The following PTCHD4 variants were observed in gnomAD, a reference collection of about 807,000 sequenced individuals.
The protein encoded by PTCHD4 is patched domain containing 4.
A neutral mutation model predicts 58.1 loss-of-function variants in PTCHD4; 33 were observed. That is an observed-to-expected ratio of 0.57 (90% CI 0.43 to 0.76). The LOEUF (loss-of-function observed/expected upper bound fraction) is 0.76, where lower values mean the gene tolerates loss of function less well. PTCHD4 is among the 30% of genes least tolerant of loss of function. PTCHD4 has a pLI of 0.00. For synonymous variants in PTCHD4, 478 were observed against 409.6 expected, an observed-to-expected ratio of 1.17 and a Z score of -2.02; for missense variants, 1,058 against 1,027.1, an observed-to-expected ratio of 1.03 and a Z score of -0.41.
At chr6:47,943,614 C>T (rs1428897311) in intron 4 of PTCHD4, among the ~76,000 whole-genome samples, 1 of 152,182 alleles carries the variant, frequency 6.6e-6, no homozygotes, top group South Asian at 2.1e-4. Context: ...CCAAATCCCC[C>T]CTGCTGCTTG....
At chr6:47,900,923 G>T (rs1267698788) in intron 4 of PTCHD4, 1 of 152,066 alleles carries the variant, frequency 6.6e-6, no homozygotes, top group East Asian at 1.9e-4. Context: ...GGGAGGCCGA[G>T]GCGGGTGGAT....
At chr6:47,908,124 T>G (rs1764958453) in intron 4 of PTCHD4, among the ~76,000 whole-genome samples, 1 of 152,018 alleles carries the variant, frequency 6.6e-6, no homozygotes, top group Non-Finnish European at 1.5e-5. Context: ...CAAAAAGCAC[T>G]GCAAAGGCTG....
chr6:47,964,989 G>C (rs575975394), intron 4 of PTCHD4, among the ~76,000 whole-genome samples: 171 of 152,068 alleles, frequency 1.1e-3, no homozygotes, highest in Non-Finnish European at 1.9e-3. Flanking sequence ...GTACAATATT[G>C]ATAACTGCCA....
At position 47,978,047 on chromosome 6, in the gene PTCHD4, G is replaced by A. The variant is rs76379081; in HGVS notation, c.898+30587C>T. ...AGTAATGAACTTATTGATAGAAATA[G>A]AAACAGGGAAATTAGCAAATAATCC... is the stretch of plus-strand genomic sequence containing the variant. On this transcript the variant is annotated intron_variant, in intron 4 of 4. Coordinates refer to ENST00000339488, the MANE Select transcript of PTCHD4 (RefSeq NM_001384253.1). Among the ~76,000 whole-genome samples the A allele has an allele frequency of 3.5e-4, 53 of 152,242 alleles. No homozygotes were observed. In the East Asian group the frequency reaches 7.9e-3, roughly 23 times the overall value.
At chr6:47,889,839 A>G (rs9357561) in intron 4 of PTCHD4, among the ~76,000 whole-genome samples, 1 of 150,006 alleles carries the variant, frequency 6.7e-6, no homozygotes. Flanking sequence ...GCAACAAAAG[A>G]CAAAATTGAC....
At chr6:47,993,381 A>T (rs1230891105) in intron 4 of PTCHD4, among the ~76,000 whole-genome samples, 1 of 152,220 alleles carries the variant, frequency 6.6e-6, no homozygotes, top group Non-Finnish European at 1.5e-5. Context: ...TATAAAAATT[A>T]GTCTACACAG....
chr6:47,894,633 T>C (rs1180480139), intron 4 of PTCHD4, among the ~76,000 whole-genome samples: 2 of 152,242 alleles, frequency 1.3e-5, no homozygotes, highest in Non-Finnish European at 2.9e-5. Context: ...GAACATTCAT[T>C]TGGGGTCTTG....
chr6:48,068,723 C>CCCA lies in PTCHD4; in HGVS notation c.6-85_6-83dup. The CCCA allele has an allele frequency of 7.3e-7, 1 of 1,362,152 alleles. No homozygotes were observed. The highest frequency in any genetic ancestry group is 9.8e-7 in the Non-Finnish European group (1 of 1,022,572). 84.4% of individuals were successfully genotyped at this position (1,362,152 alleles called of 1,614,324 possible). A position where few individuals can be genotyped will look rare whatever the true frequency, so the allele number is the denominator to read the frequency against. On this transcript the variant is annotated intron_variant, in intron 2 of 4. Coordinates refer to ENST00000339488, the MANE Select transcript of PTCHD4 (RefSeq NM_001384253.1). This position sits in a 1 kb window ranked among gnomAD's most constrained non-coding sequence, Gnocchi z 4.2. ...CACCCCCTGGGGCCAGTCCCCCCTC[C>CCCA]CCACCGCCGCCGCCTCCCCACCCAC...
intron 4 of PTCHD4, among the ~76,000 whole-genome samples, chr6:47,988,598 G>A (rs1483260432): frequency 1.3e-5 from 2 of 152,138 alleles, no homozygotes; most frequent in African/African-American, 4.8e-5. Flanking sequence ...GAGTCATGGG[G>A]GCAGTTTCCC....
At position 47,857,578 on chromosome 6, in the gene PTCHD4, G is replaced by A. The variant is rs909077975; in HGVS notation, c.*20725C>T. ...ATTGCATTCTGATTTTTTCAATATT[G>A]CATTGCAGTGCTAACTCAATTTCAT... On this transcript the variant is annotated 3_prime_UTR_variant, in exon 5 of 5. Coordinates refer to ENST00000339488, the MANE Select transcript of PTCHD4 (RefSeq NM_001384253.1). Among the ~76,000 whole-genome samples the A allele has an allele frequency of 4.6e-5, 7 of 151,938 alleles. No homozygotes were observed. The highest frequency in any genetic ancestry group is 1.7e-4 in the African/African-American group (7 of 41,384).
At chr6:48,040,748 G>C (rs1223583277) in intron 3 of PTCHD4, among the ~76,000 whole-genome samples, 1 of 152,040 alleles carries the variant, frequency 6.6e-6, no homozygotes. Flanking sequence ...ATTTTACAGA[G>C]AGAAGTCAAG....
At chr6:47,891,895 C>G (rs1764392434) in intron 4 of PTCHD4, among the ~76,000 whole-genome samples, 1 of 152,064 alleles carries the variant, frequency 6.6e-6, no homozygotes, top group South Asian at 2.1e-4. Flanking sequence ...CTTTTGTTGT[C>G]ATTGCTGATT....
In PTCHD4 at chr6:47,861,050, G is replaced by A. The variant is rs527517881; in HGVS notation, c.*17253C>T. Among the ~76,000 whole-genome samples the A allele has an allele frequency of 6.1e-4, 93 of 151,962 alleles. No homozygotes were observed. Among genetic ancestry groups the A allele is most frequent in the African/African-American group, 2.1e-3 (88 of 41,502 alleles). ...ATTATTTTAGTGGAACATTTCAATCGCAGTCTAATTATTGAGCTCTCCCAA... is the reference window on the plus strand; with the variant it reads ...ATTATTTTAGTGGAACATTTCAATCACAGTCTAATTATTGAGCTCTCCCAA... On this transcript the variant is annotated 3_prime_UTR_variant, in exon 5 of 5. Coordinates refer to ENST00000339488, the MANE Select transcript of PTCHD4 (RefSeq NM_001384253.1).
At chr6:48,019,266 C>T (rs1427409936) in intron 3 of PTCHD4, among the ~76,000 whole-genome samples, 1 of 152,026 alleles carries the variant, frequency 6.6e-6, no homozygotes, top group Non-Finnish European at 1.5e-5. Flanking sequence ...TCAGTGAGCA[C>T]ATGCTCTGTG....
Position 48,031,674 on chromosome 6 carries a change from G to T in PTCHD4, c.418-22560C>A, listed in dbSNP as rs934303433. Reference sequence around the variant, plus strand: ...GGGAGGCAAACAGTACTGCAAAATAGTAACACCTCTTGTATAGTCTCCATT... The same window carrying T: ...GGGAGGCAAACAGTACTGCAAAATATTAACACCTCTTGTATAGTCTCCATT... On this transcript the variant is annotated intron_variant, in intron 3 of 4. Transcript: ENST00000339488. Among the ~76,000 whole-genome samples, 3 of 152,010 alleles carry T rather than the reference G, an allele frequency of 2.0e-5. No individual in the cohort carries two copies. The South Asian group carries it at 6.2e-4, about 31-fold the overall frequency.
intron 3 of PTCHD4, among the ~76,000 whole-genome samples, chr6:48,044,331 T>C (rs954890756): frequency 5.9e-5 from 9 of 151,930 alleles, no homozygotes; most frequent in African/African-American, 2.2e-4. Flanking sequence ...TGAGTGCAAG[T>C]ATGTAATAGA....
intron 4 of PTCHD4, among the ~76,000 whole-genome samples, chr6:47,905,084 C>T (rs964507601): frequency 5.4e-5 from 8 of 146,910 alleles, no homozygotes. Context: ...CACACACACA[C>T]ATAAATGAAT....
intron 3 of PTCHD4, among the ~76,000 whole-genome samples, chr6:48,052,490 T>C (rs1400236905): frequency 6.6e-6 from 1 of 152,006 alleles, no homozygotes; most frequent in Non-Finnish European, 1.5e-5. Flanking sequence ...GAAATTTAGA[T>C]ATAACAGAGC....
In PTCHD4 at chr6:47,877,488, C is replaced by G. The variant is rs544565473; in HGVS notation, c.*815G>C. ...GTCCATGTGGTAATTAATTCAAATGCCTTTTGTGTTTTCTTGTGAAGTCAT... is the reference window on the plus strand; with the variant it reads ...GTCCATGTGGTAATTAATTCAAATGGCTTTTGTGTTTTCTTGTGAAGTCAT... On this transcript the variant is annotated 3_prime_UTR_variant, in exon 5 of 5. Transcript: ENST00000339488. 2.0e-5 allele frequency among the ~76,000 whole-genome samples: 3 copies of G among 152,104 alleles called. No individual in the cohort carries two copies. Among genetic ancestry groups the G allele is most frequent in the South Asian group, 2.1e-4 (1 of 4,824 alleles).
Sources: allele counts gnomAD v4.1 joint callset (sites outside exome capture counted in the v4.1 genomes callset), GRCh38; gene constraint gnomAD v4.1.1; non-coding constraint Gnocchi (gnomAD v3.1); transcripts MANE v1.5; gene names NCBI Gene and HGNC (gene_info 2026-07-23, HGNC 2026-07-21).